ATRNL1: variants seen among roughly 807,000 people sequenced by gnomAD.
ATRNL1 encodes the protein attractin-like protein 1.
In ATRNL1, 95 loss-of-function variants were observed where a neutral mutation model predicts 182.7. The observed-to-expected ratio is 0.52, with a 90% confidence interval of 0.44 to 0.62. ATRNL1 has a LOEUF of 0.62. Among genes scored for constraint, ATRNL1 ranks in the 20% least tolerant of loss-of-function variants. The probability of loss-of-function intolerance (pLI) is 0.00; values close to 1 mark genes in which losing one functional copy is unlikely to be tolerated. For synonymous variants in ATRNL1, 576 were observed against 568.3 expected, an observed-to-expected ratio of 1.01 and a Z score of -0.19; for missense variants, 1,471 against 1,679.5, an observed-to-expected ratio of 0.88 and a Z score of 2.17.
chr10:115,351,458 T>G (rs2134124661), intron 19 of ATRNL1, among the ~76,000 whole-genome samples: 1 of 152,218 alleles, frequency 6.6e-6, no homozygotes, highest in African/African-American at 2.4e-5. Context: ...TTTTAAATCA[T>G]TAAGGGACGT....
rs1159721623 is a variant in ATRNL1 at position 115,448,991 on chromosome 10, G to A, written c.3323-12950G>A. Among the ~76,000 whole-genome samples the A allele has an allele frequency of 3.3e-5, 5 of 152,276 alleles. No individual in the cohort carries two copies. In the East Asian group the frequency reaches 9.7e-4, roughly 29 times the overall value. ...AACTATTCCAAAAAGTTGAGGAGAA[G>A]GGACCCCTCCCCATATTATTCTATG... On this transcript the variant is annotated intron_variant, in intron 21 of 28. Transcript: ENST00000355044.
intron 5 of ATRNL1, 83 bp downstream of exon 5, chr10:115,129,618 T>G: frequency 8.4e-7 from 1 of 1,187,826 alleles, no homozygotes; most frequent in Non-Finnish European, 1.2e-6. Context: ...GTTTGTTTCG[T>G]TATAGTTTGC....
At chr10:115,362,364 GTATATT>G (rs1554944476) in intron 19 of ATRNL1, among the ~76,000 whole-genome samples, 1 of 151,838 alleles carries the variant, frequency 6.6e-6, no homozygotes, top group East Asian at 1.9e-4. Flanking sequence ...TGAAAATTAT[GTATATT>G]TATAATATAC....
At chr10:115,429,859 A>G (rs1263726418) in intron 21 of ATRNL1, among the ~76,000 whole-genome samples, 1 of 152,120 alleles carries the variant, frequency 6.6e-6, no homozygotes, top group Non-Finnish European at 1.5e-5. Flanking sequence ...CGAGGTCAGG[A>G]GATCGAGACC....
At chr10:115,578,442 G>C (rs1854862221) in intron 26 of ATRNL1, among the ~76,000 whole-genome samples, 2 of 151,510 alleles carry the variant, frequency 1.3e-5, no homozygotes, top group South Asian at 4.2e-4. Context: ...TTCTGTCATT[G>C]GTCTTTTCAG....
chr10:115,342,159 G>T (rs909841278), intron 19 of ATRNL1, among the ~76,000 whole-genome samples: 2 of 151,638 alleles, frequency 1.3e-5, no homozygotes, highest in Non-Finnish European at 2.9e-5. Flanking sequence ...TGTGTATCTT[G>T]TTTTTTTGTT....
intron 28 of ATRNL1, among the ~76,000 whole-genome samples, chr10:115,896,184 T>C (rs148163106): frequency 2.2e-4 from 33 of 152,324 alleles, no homozygotes; most frequent in African/African-American, 7.5e-4. Context: ...GATTCAGTAG[T>C]ATGCTGTCTT....
At chr10:115,665,552 A>G (rs1335837777) in intron 26 of ATRNL1, among the ~76,000 whole-genome samples, 1 of 152,186 alleles carries the variant, frequency 6.6e-6, no homozygotes, top group African/African-American at 2.4e-5. Flanking sequence ...AAATCCATGA[A>G]AAAGCTACTG....
intron 26 of ATRNL1, among the ~76,000 whole-genome samples, chr10:115,631,888 C>T (rs1003708395): frequency 2.0e-5 from 3 of 151,924 alleles, no homozygotes; most frequent in East Asian, 1.9e-4. Context: ...AATGGCAAGT[C>T]GAGTCTATAT....
chr10:115,820,683 C>G (rs570185951), intron 27 of ATRNL1, among the ~76,000 whole-genome samples: 2 of 152,082 alleles, frequency 1.3e-5, no homozygotes. Flanking sequence ...CCTTCAGATC[C>G]TCATCTGAGA....
intron 25 of ATRNL1, among the ~76,000 whole-genome samples, chr10:115,523,950 T>G (rs1267976020): frequency 6.6e-6 from 1 of 152,214 alleles, no homozygotes; most frequent in African/African-American, 2.4e-5. Flanking sequence ...GAGGTTTACT[T>G]GGCTCATGGT....
At chr10:115,181,832 T>C (rs1331314592) in intron 8 of ATRNL1, among the ~76,000 whole-genome samples, 1 of 151,724 alleles carries the variant, frequency 6.6e-6, no homozygotes, top group East Asian at 1.9e-4. Context: ...TAGTTTTTGT[T>C]GAACACAGTT....
chr10:115,568,817 C>T (rs1163326288), intron 26 of ATRNL1, among the ~76,000 whole-genome samples: 2 of 151,650 alleles, frequency 1.3e-5, no homozygotes, highest in Non-Finnish European at 3.0e-5. Context: ...ATAACCTAGT[C>T]CACACTTTCC....
At chr10:115,721,512 G>T (rs376261610) in intron 26 of ATRNL1, among the ~76,000 whole-genome samples, 14 of 152,026 alleles carry the variant, frequency 9.2e-5, no homozygotes, top group East Asian at 3.9e-4. Flanking sequence ...GAATCATGGT[G>T]GGGGGCCAAA....
chr10:115,472,504 T>A (rs553934582), intron 24 of ATRNL1, among the ~76,000 whole-genome samples: 8 of 151,162 alleles, frequency 5.3e-5, no homozygotes, highest in African/African-American at 1.9e-4. Context: ...TTATTATTGA[T>A]GTTTTGAATT....
intron 21 of ATRNL1, among the ~76,000 whole-genome samples, chr10:115,455,034 A>C (rs1847455699): frequency 6.6e-6 from 1 of 152,100 alleles, no homozygotes; most frequent in South Asian, 2.1e-4. Context: ...GCTGTGGGCT[A>C]TTCACATATG....
intron 9 of ATRNL1, among the ~76,000 whole-genome samples, chr10:115,230,209 A>G (rs1171654364): frequency 1.3e-5 from 2 of 152,224 alleles, no homozygotes; most frequent in Admixed American, 6.5e-5. Flanking sequence ...AGAGGCAGAC[A>G]ATAAATATGG....
chr10:115,391,678 T>G (rs2134270150), intron 19 of ATRNL1, among the ~76,000 whole-genome samples: 1 of 152,134 alleles, frequency 6.6e-6, no homozygotes, highest in South Asian at 2.1e-4. Flanking sequence ...CTGGATTCCT[T>G]AGCTGTTGGG....
intron 24 of ATRNL1, among the ~76,000 whole-genome samples, chr10:115,493,431 A>G (rs539085019): frequency 2.7e-4 from 41 of 152,302 alleles, no homozygotes; most frequent in African/African-American, 9.6e-4. Flanking sequence ...TCATGTTGCT[A>G]CAGAGGACAT....
Sources: allele counts gnomAD v4.1 joint callset (sites outside exome capture counted in the v4.1 genomes callset), GRCh38; gene constraint gnomAD v4.1.1; transcripts MANE v1.5; gene names NCBI Gene and HGNC (gene_info 2026-07-23, HGNC 2026-07-21).